USP30: variants seen among roughly 807,000 people sequenced by gnomAD.
The protein encoded by USP30 is ubiquitin specific peptidase 30, also known as ubiquitin carboxyl-terminal hydrolase 30.
Under a neutral mutation model 68.2 loss-of-function variants are expected in USP30, and 41 were observed. The ratio of observed to expected loss-of-function variants is 0.60; its 90% CI spans 0.47 to 0.78. USP30 has a LOEUF of 0.78. USP30 is among the 30% of genes least tolerant of loss of function. USP30 has a pLI of 0.00. For missense variants in USP30, 522 were observed against 649.4 expected, an observed-to-expected ratio of 0.80 and a Z score of 2.13; for synonymous variants, 229 against 253.7, an observed-to-expected ratio of 0.90 and a Z score of 0.93.
chr12:109,075,939 A>T (rs1483496470), intron 7 of USP30, among the ~76,000 whole-genome samples: 1 of 150,582 alleles, frequency 6.6e-6, no homozygotes, highest in African/African-American at 2.4e-5. Context: ...ACCTCTTATC[A>T]GATATATGGT....
chr12:109,086,166 T>G lies in USP30; in HGVS notation c.*235T>G. 1 of 518,774 alleles carries G rather than the reference T, an allele frequency of 1.9e-6. No homozygotes were observed. The highest frequency in any genetic ancestry group is 3.3e-6 in the Non-Finnish European group (1 of 299,946). 32.1% of individuals were successfully genotyped at this position (518,774 alleles called of 1,614,324 possible). On this transcript the variant is annotated 3_prime_UTR_variant, in exon 13 of 13. Transcript: ENST00000257548. ...TTGTGTTAAGAAAGCATTCATTATG[T>G]CCGGAGTGTCTTTTTACTCATCTGA...
chr12:109,079,339 CTTTTTTTTTTTCTTTTTTTTTTTTTTTT>C (rs2041718065), intron 7 of USP30, among the ~76,000 whole-genome samples: 2 of 62,250 alleles, frequency 3.2e-5, no homozygotes, highest in African/African-American at 6.9e-5. Flanking sequence ...TTTTCTTTTT[CTTTTTTTTTTTCTTTTTTTTTTTTTTTT>C]TTTTTTTTTT....
At chr12:109,061,692 G>T (rs2041072690) in intron 3 of USP30, among the ~76,000 whole-genome samples, 1 of 152,024 alleles carries the variant, frequency 6.6e-6, no homozygotes, top group African/African-American at 2.4e-5. Flanking sequence ...TTGCGGACAT[G>T]AGCCACCATG....
At chr12:109,025,293 C>T (rs2040436768) in intron 2 of USP30, among the ~76,000 whole-genome samples, 2 of 151,970 alleles carry the variant, frequency 1.3e-5, no homozygotes, top group South Asian at 4.1e-4. Flanking sequence ...CCTGATAAAT[C>T]CCTTCATGTA....
In USP30 at chr12:109,070,228, G is replaced by A. The variant is rs556607870; in HGVS notation, c.481-1384G>A. Among the ~76,000 whole-genome samples the A allele has an allele frequency of 7.2e-5, 11 of 152,278 alleles. No individual in the cohort carries two copies. The highest frequency in any genetic ancestry group is 3.4e-3 in the Middle Eastern group (1 of 294). ...AGATGGTGTGGCTCAGACTGGGGTC[G>A]AAGCAGGGTAGCTGAGAGTCCTCAG... On this transcript the variant is annotated intron_variant, in intron 4 of 12. Coordinates refer to ENST00000257548, the MANE Select transcript of USP30 (RefSeq NM_032663.5). The surrounding 1 kb of genome is among the most constrained non-coding windows in gnomAD (Gnocchi z 4.0).
At chr12:109,024,862 ACCTGC>A (rs2040433249) in exon 2 of USP30, 1 of 152,176 alleles carries the variant, frequency 6.6e-6, no homozygotes, top group African/African-American at 2.4e-5. Context: ...CTCGTGATCC[ACCTGC>A]CTTGGCCCCC....
intron 11 of USP30, among the ~76,000 whole-genome samples, chr12:109,084,185 A>G (rs2041882830): frequency 6.6e-6 from 1 of 152,150 alleles, no homozygotes; most frequent in Non-Finnish European, 1.5e-5. Flanking sequence ...CTGTGATCAC[A>G]CCACTGTGCT....
chr12:109,061,381 C>T (rs562522298), intron 3 of USP30, among the ~76,000 whole-genome samples: 180 of 143,804 alleles, frequency 1.3e-3, no homozygotes, highest in Non-Finnish European at 2.3e-3. Flanking sequence ...TCCAATGTCT[C>T]TAACTTTGGT....
At chr12:109,056,450 C>T (rs1197642697) in intron 1 of USP30, among the ~76,000 whole-genome samples, 1 of 152,146 alleles carries the variant, frequency 6.6e-6, no homozygotes, top group African/African-American at 2.4e-5. Flanking sequence ...GCCTTGACTT[C>T]CCAAAGTGCT....
chr12:109,050,225 C>T (rs1008961521), upstream of USP30, among the ~76,000 whole-genome samples: 8 of 151,514 alleles, frequency 5.3e-5, no homozygotes, highest in African/African-American at 1.7e-4. Context: ...ACCCGGGAGG[C>T]GGAGCTTGCA....
intron 3 of USP30, among the ~76,000 whole-genome samples, chr12:109,034,171 C>G (rs1433317): frequency 6.6e-6 from 1 of 151,908 alleles, no homozygotes; most frequent in Non-Finnish European, 1.5e-5. Flanking sequence ...ACTTGTACCT[C>G]GTGTTTTTAT....
intron 3 of USP30, among the ~76,000 whole-genome samples, chr12:109,038,874 A>G (rs891905168): frequency 3.3e-5 from 5 of 152,188 alleles, no homozygotes; most frequent in African/African-American, 1.2e-4. Context: ...GATGTTGACC[A>G]TCTTTTCATG....
intron 11 of USP30, among the ~76,000 whole-genome samples, chr12:109,084,752 C>T (rs1479022298): frequency 6.6e-6 from 1 of 152,218 alleles, no homozygotes; most frequent in Non-Finnish European, 1.5e-5. Flanking sequence ...TACACTTTTC[C>T]TATTTGGGAT....
At chr12:109,054,100 T>G (rs879395455) in intron 1 of USP30, 1 of 455,080 alleles carries the variant, frequency 2.2e-6, no homozygotes, top group Non-Finnish European at 4.4e-6. Flanking sequence ...AGTGTTTGAT[T>G]AGGGGATTTT....
chr12:109,083,318 C>T (rs754642565), intron 11 of USP30, among the ~76,000 whole-genome samples: 70 of 152,184 alleles, frequency 4.6e-4, no homozygotes, highest in Non-Finnish European at 8.8e-4. Flanking sequence ...CTTAAAATTG[C>T]AGCTTTGCCT....
chr12:109,051,282 A>T (rs2040668002), upstream of USP30, among the ~76,000 whole-genome samples: 1 of 118,686 alleles, frequency 8.4e-6, no homozygotes. Flanking sequence ...TTTGATGCTG[A>T]ATCTCTCTCT....
intron 1 of USP30, chr12:109,053,677 A>G: frequency 5.0e-6 from 1 of 201,568 alleles, no homozygotes; most frequent in Non-Finnish European, 1.0e-5. Flanking sequence ...GTGTGGCCCC[A>G]TAGCTGACCT....
chr12:109,044,836 C>T (rs531936561), intron 3 of USP30, among the ~76,000 whole-genome samples: 32 of 152,212 alleles, frequency 2.1e-4, no homozygotes, highest in African/African-American at 7.7e-4. Flanking sequence ...CTATACCTCT[C>T]ACAGAGATAC....
intron 1 of USP30, among the ~76,000 whole-genome samples, chr12:109,054,319 G>A (rs940185944): frequency 2.0e-5 from 3 of 152,148 alleles, no homozygotes; most frequent in South Asian, 2.1e-4. Flanking sequence ...TCAGGAGTTC[G>A]AGACCAGCCT....
Sources: allele counts gnomAD v4.1 joint callset (sites outside exome capture counted in the v4.1 genomes callset), GRCh38; gene constraint gnomAD v4.1.1; non-coding constraint Gnocchi (gnomAD v3.1); transcripts MANE v1.5; gene names NCBI Gene and HGNC (gene_info 2026-07-23, HGNC 2026-07-21).